The following RTF1 variants were observed in gnomAD, a reference collection of about 807,000 sequenced individuals.
RTF1 encodes RTF1 homolog, Paf1/RNA polymerase II complex component.
Under a neutral mutation model 95.7 loss-of-function variants are expected in RTF1, and 10 were observed. That is an observed-to-expected ratio of 0.10 (90% CI 0.06 to 0.18). RTF1 has a LOEUF of 0.18. RTF1 is among the 10% of genes least tolerant of loss of function. The pLI is 1.00. For missense variants in RTF1, 458 were observed against 875.6 expected, an observed-to-expected ratio of 0.52 and a Z score of 6.02; for synonymous variants, 305 against 311.8, an observed-to-expected ratio of 0.98 and a Z score of 0.23.
chr15:41,448,039 T>A (rs1350624120), intron 2 of RTF1, among the ~76,000 whole-genome samples: 2 of 152,136 alleles, frequency 1.3e-5, no homozygotes, highest in African/African-American at 4.8e-5. Context: ...TGAATAAGAT[T>A]TTTGCAGGGA....
intron 8 of RTF1, among the ~76,000 whole-genome samples, chr15:41,472,606 C>T (rs969772793): frequency 1.3e-5 from 2 of 151,812 alleles, no homozygotes; most frequent in African/African-American, 4.8e-5. Flanking sequence ...GCAGCCTCTG[C>T]CTCCTGGGTT....
At chr15:41,470,984 T>C (rs534933647) in intron 7 of RTF1, among the ~76,000 whole-genome samples, 188 bp from the exon 8 acceptor site, 116 of 152,298 alleles carry the variant, frequency 7.6e-4, no homozygotes, top group African/African-American at 2.7e-3. Flanking sequence ...GGCAGCCTCA[T>C]TTGAAACAGC....
rs576729244 is a variant in RTF1, at chr15:41,432,727, C to G, written c.199-5594C>G. 1.9e-4 allele frequency among the ~76,000 whole-genome samples: 28 copies of G among 150,744 alleles called. 2 individuals carry two copies. The South Asian group carries it at 5.1e-3, about 27-fold the overall frequency. On this transcript the variant is annotated intron_variant, in intron 1 of 17. Transcript: ENST00000389629. ...GCCAAGGCGGCGGCTCACCTGAGAT[C>G]AGGAGTTCAAGACCAGCCTGGCTAA...
chr15:41,473,071 C>G (rs1462474591), intron 8 of RTF1, among the ~76,000 whole-genome samples: 2 of 152,140 alleles, frequency 1.3e-5, no homozygotes, highest in Non-Finnish European at 2.9e-5. Flanking sequence ...GTCTCAAACT[C>G]CGGGCCTCAA....
intron 4 of RTF1, among the ~76,000 whole-genome samples, chr15:41,461,635 G>A (rs1236043655): frequency 4.6e-5 from 7 of 152,040 alleles, no homozygotes; most frequent in African/African-American, 7.2e-5. Context: ...GTTTACAGGC[G>A]CCCGCCACCA....
At chr15:41,445,323 C>T (rs978270593) in intron 2 of RTF1, among the ~76,000 whole-genome samples, 2 of 152,148 alleles carry the variant, frequency 1.3e-5, no homozygotes, top group South Asian at 2.1e-4. Flanking sequence ...ATTAAGATCT[C>T]GTTGCAAGAA....
chr15:41,441,658 A>G (rs1223377245), intron 2 of RTF1, among the ~76,000 whole-genome samples: 1 of 152,190 alleles, frequency 6.6e-6, no homozygotes, highest in East Asian at 1.9e-4. Flanking sequence ...AAAACTGCTC[A>G]TCTTAGAACA....
At position 41,482,698 on chromosome 15, in the gene RTF1, A is replaced by G. The variant is rs995307930; in HGVS notation, c.*2011A>G. ...AAAATCATATATACTTGAATAGTCC[A>G]TTGACCGAAACTCTTTATAGACTAT... On this transcript the variant is annotated 3_prime_UTR_variant, in exon 18 of 18. Transcript: ENST00000389629. The G allele has an allele frequency of 6.6e-6, 1 of 152,624 alleles. No individual in the cohort carries two copies. Among genetic ancestry groups the G allele is most frequent in the African/African-American group, 2.4e-5 (1 of 41,434 alleles). The allele number at this position is 152,624 out of a possible 1,614,324, so 9.5% of individuals were successfully genotyped here.
At chr15:41,434,669 C>T (rs1195327748) in intron 1 of RTF1, among the ~76,000 whole-genome samples, 1 of 151,484 alleles carries the variant, frequency 6.6e-6, no homozygotes, top group Non-Finnish European at 1.5e-5. Context: ...GCACTGTCAC[C>T]CGGGCTGGAG....
rs1217891920 is a variant in RTF1 at position 41,461,985 on chromosome 15, C to A, written c.663-2786C>A. On this transcript the variant is annotated intron_variant, in intron 4 of 17. Transcript: ENST00000389629. ...GCCCAGGCTGGTCTTGAACTCCTGGCCTCAAGCAATTCGTCCACCTCGGCT... is the reference window on the plus strand; with the variant it reads ...GCCCAGGCTGGTCTTGAACTCCTGGACTCAAGCAATTCGTCCACCTCGGCT... Among the ~76,000 whole-genome samples, 8 of 150,512 alleles carry A rather than the reference C, an allele frequency of 5.3e-5. No homozygotes were observed. The East Asian group carries it at 1.6e-3, about 29-fold the overall frequency.
At chr15:41,436,524 T>A (rs967431014) in intron 1 of RTF1, among the ~76,000 whole-genome samples, 1 of 147,092 alleles carries the variant, frequency 6.8e-6, no homozygotes, top group African/African-American at 2.5e-5. Flanking sequence ...CTTGGGAGGT[T>A]GAGGCAGTAG....
intron 1 of RTF1, among the ~76,000 whole-genome samples, chr15:41,435,453 G>T (rs546477319): frequency 6.6e-6 from 1 of 151,970 alleles, no homozygotes; most frequent in South Asian, 2.1e-4. Flanking sequence ...GGGATTACAG[G>T]TGTAGACCAC....
At position 41,438,378 on chromosome 15, in the gene RTF1, G is replaced by A. The variant is rs955863127; in HGVS notation, c.256G>A (p.Val86Met). The A allele has an allele frequency of 2.6e-6, 4 of 1,551,274 alleles. No homozygotes were observed. The highest frequency in any genetic ancestry group is 1.7e-4 in the Middle Eastern group (1 of 6,006). Residue 86 changes from valine (V) to methionine (M), a missense_variant, in exon 2 of 18, where the codon GTG becomes ATG. Around this residue, in one of 11 missense-constraint regions of RTF1, gnomAD observed 44 missense variants for 99.5 expected, o/e 0.44. Transcript: ENST00000389629. The part of the protein sequence containing the change: ...RSDSEEKEPP[V>M]SQPAASSDSE... ...TGACTCTGAGGAGAAGGAGCCGCCT[G>A]TGAGTCAGCCTGCAGCCTCGTCAGA... is the stretch of plus-strand genomic sequence containing the variant.
chr15:41,482,660 T>A lies in RTF1; in HGVS notation c.*1973T>A, dbSNP rs1427782570. On this transcript the variant is annotated 3_prime_UTR_variant, in exon 18 of 18. Transcript: ENST00000389629. ...ACAGTTCACTTGGGCAAAGGAGTGG[T>A]GATGGACTCGTTAAAATCATATATA... 1 of 152,620 alleles carries A rather than the reference T, an allele frequency of 6.6e-6. No homozygotes were observed. Among genetic ancestry groups the A allele is most frequent in the South Asian group, 2.1e-4 (1 of 4,828 alleles). 9.5% of individuals were successfully genotyped at this position (152,620 alleles called of 1,614,324 possible).
chr15:41,470,100 T>C (rs1224499187), intron 6 of RTF1, among the ~76,000 whole-genome samples, 157 bp from the exon 7 acceptor site: 2 of 152,210 alleles, frequency 1.3e-5, no homozygotes, highest in Non-Finnish European at 2.9e-5. Context: ...AACTCTGTGT[T>C]TTAACTCATT....
chr15:41,468,413 G>T (rs2050891740), intron 6 of RTF1, among the ~76,000 whole-genome samples: 1 of 152,022 alleles, frequency 6.6e-6, no homozygotes, highest in Non-Finnish European at 1.5e-5. Context: ...CGCCTCCTGG[G>T]TTCACACCAT....
At chr15:41,472,600 C>T (rs1227870996) in intron 8 of RTF1, among the ~76,000 whole-genome samples, 1 of 151,694 alleles carries the variant, frequency 6.6e-6, no homozygotes, top group African/African-American at 2.4e-5. Flanking sequence ...CTCACTGCAG[C>T]CTCTGCCTCC....
rs2050871323 is a variant in RTF1 at position 41,464,674 on chromosome 15, A to G, written c.663-97A>G. The stretch of plus-strand genomic sequence containing the variant: ...TTCTTGCAGGAAAGCCAAAATATCT[A>G]TTAGCTCCTTTCCCTTAGTTCCTTT... On this transcript the variant is annotated intron_variant, in intron 4 of 17. Coordinates refer to ENST00000389629, the MANE Select transcript of RTF1 (RefSeq NM_015138.5). 7.6e-6 allele frequency: 8 copies of G among 1,055,026 alleles called. 1 individual carries two copies. Among genetic ancestry groups the G allele is most frequent in the East Asian group, 2.5e-5 (1 of 39,216 alleles). The allele number at this position is 1,055,026 out of a possible 1,614,324, so 65.4% of individuals were successfully genotyped here. A position where few individuals can be genotyped will look rare whatever the true frequency, so the allele number is the denominator to read the frequency against.
intron 14 of RTF1, 123 bp downstream of exon 14, chr15:41,477,638 ACTCT>A (rs2050948445): frequency 9.8e-6 from 8 of 812,722 alleles, no homozygotes; most frequent in Middle Eastern, 3.2e-4. Flanking sequence ...ACGTATACAC[ACTCT>A]CTCTGTATGT....
Sources: gnomAD v4.1 joint callset for allele counts (sites outside exome capture counted in the v4.1 genomes callset) on GRCh38, gnomAD v4.1.1 for gene constraint, gnomAD v4.1.1 regional missense constraint, MANE v1.5 for transcripts, NCBI Gene and HGNC (gene_info 2026-07-23, HGNC 2026-07-21) for gene names.